Variants in GPC5 observed in about 807,000 individuals in gnomAD.
GPC5 encodes glypican-5.
In GPC5, 47 loss-of-function variants were observed where a neutral mutation model predicts 53.9. That is an observed-to-expected ratio of 0.87 (90% CI 0.69 to 1.11). The LOEUF is 1.11. Among genes scored for constraint, GPC5 ranks in the 50% most tolerant of loss-of-function variants. The pLI is 0.00. For synonymous variants in GPC5, 286 were observed against 263.3 expected, an observed-to-expected ratio of 1.09 and a Z score of -0.84; for missense variants, 748 against 713.1, an observed-to-expected ratio of 1.05 and a Z score of -0.56.
chr13:91,439,496 A>G (rs1209648245), intron 1 of GPC5, among the ~76,000 whole-genome samples: 3 of 152,232 alleles, frequency 2.0e-5, no homozygotes, highest in Non-Finnish European at 1.5e-5. Context: ...TTCAATCTGC[A>G]TCTTTTTCCT....
chr13:92,200,552 A>G (rs1189475060), intron 7 of GPC5, among the ~76,000 whole-genome samples: 2 of 152,142 alleles, frequency 1.3e-5, no homozygotes, highest in African/African-American at 4.8e-5. Flanking sequence ...CCTACCTCTC[A>G]TTTTCTGTTA....
intron 6 of GPC5, among the ~76,000 whole-genome samples, chr13:92,071,785 T>A (rs1319605020): frequency 1.3e-5 from 2 of 150,034 alleles, no homozygotes; most frequent in Non-Finnish European, 3.0e-5. Flanking sequence ...AGACACAATT[T>A]TTTTTATCCA....
intron 7 of GPC5, among the ~76,000 whole-genome samples, chr13:92,383,623 AAC>A (rs1206682575): frequency 6.6e-6 from 1 of 152,192 alleles, no homozygotes. Flanking sequence ...TGCTGGAACA[AAC>A]AGTTTTAGTC....
chr13:91,703,408 C>CT (rs2036034320), intron 3 of GPC5, among the ~76,000 whole-genome samples: 1 of 151,914 alleles, frequency 6.6e-6, no homozygotes. Flanking sequence ...GTATCAAATG[C>CT]TTTTTTGTGT....
At chr13:92,235,021 C>T (rs2042560015) in intron 7 of GPC5, among the ~76,000 whole-genome samples, 1 of 151,822 alleles carries the variant, frequency 6.6e-6, no homozygotes. Context: ...GTTTTAGGTC[C>T]CTAAGAAAAT....
intron 7 of GPC5, among the ~76,000 whole-genome samples, chr13:92,233,190 A>C (rs1205273818): frequency 6.6e-6 from 1 of 152,258 alleles, no homozygotes; most frequent in African/African-American, 2.4e-5. Flanking sequence ...CCTGCCTTAT[A>C]GCAACAAATT....
intron 5 of GPC5, among the ~76,000 whole-genome samples, chr13:91,895,638 C>CA (rs2039433241): frequency 7.0e-6 from 1 of 143,396 alleles, no homozygotes; most frequent in South Asian, 2.2e-4. Context: ...CTCTTTCTTT[C>CA]TTTTTTTTTT....
chr13:91,571,886 C>CGTGTGT (rs138515249), intron 2 of GPC5, among the ~76,000 whole-genome samples: 1,209 of 64,854 alleles, frequency 0.019, 203 homozygotes, highest in African/African-American at 0.04. Flanking sequence ...CACACATATA[C>CGTGTGT]GTGTGTATAT....
chr13:92,591,941 C>A (rs1413338640), intron 7 of GPC5, among the ~76,000 whole-genome samples: 1 of 152,148 alleles, frequency 6.6e-6, no homozygotes. Context: ...AAGCCATTGA[C>A]CTGAGAGTCC....
At chr13:91,548,682 T>G (rs2030439873) in intron 2 of GPC5, among the ~76,000 whole-genome samples, 1 of 152,194 alleles carries the variant, frequency 6.6e-6, no homozygotes, top group African/African-American at 2.4e-5. Context: ...GTTGGAGGAC[T>G]GACACTACCT....
chr13:91,588,849 A>G (rs1594297422), intron 2 of GPC5, among the ~76,000 whole-genome samples: 1 of 152,002 alleles, frequency 6.6e-6, no homozygotes, highest in Non-Finnish European at 1.5e-5. Flanking sequence ...TAAAAATTTG[A>G]CCTGGCAGCC....
chr13:92,584,477 A>G (rs1334216016), intron 7 of GPC5, among the ~76,000 whole-genome samples: 5 of 152,212 alleles, frequency 3.3e-5, no homozygotes, highest in African/African-American at 7.2e-5. Flanking sequence ...GCAGCAAAGC[A>G]TTCAAGAGGT....
At chr13:92,334,079 A>G (rs2043306184) in intron 7 of GPC5, among the ~76,000 whole-genome samples, 1 of 152,208 alleles carries the variant, frequency 6.6e-6, no homozygotes, top group African/African-American at 2.4e-5. Flanking sequence ...GATCACAGCA[A>G]GGTTGTAGGA....
intron 5 of GPC5, among the ~76,000 whole-genome samples, chr13:91,810,211 C>T (rs1248188972): frequency 6.6e-6 from 1 of 151,834 alleles, no homozygotes; most frequent in Non-Finnish European, 1.5e-5. Context: ...CCTAAGATGT[C>T]ATTTTTCTTA....
chr13:92,492,804 A>C (rs775616886), intron 7 of GPC5, among the ~76,000 whole-genome samples: 1 of 152,182 alleles, frequency 6.6e-6, no homozygotes, highest in Non-Finnish European at 1.5e-5. Context: ...CCTTTTTTAT[A>C]AATGCAATGC....
chr13:92,288,055 C>T (rs1445550736), intron 7 of GPC5, among the ~76,000 whole-genome samples: 1 of 152,010 alleles, frequency 6.6e-6, no homozygotes, highest in Non-Finnish European at 1.5e-5. Context: ...TTATCTATCG[C>T]ACTTTTCAGC....
intron 7 of GPC5, among the ~76,000 whole-genome samples, chr13:92,346,530 G>A (rs1405607721): frequency 6.6e-6 from 1 of 152,132 alleles, no homozygotes; most frequent in African/African-American, 2.4e-5. Context: ...CCTTTCCAGA[G>A]TCACTGGCTA....
Position 92,087,162 on chromosome 13 carries a change from A to G in GPC5, c.1402-57668A>G, listed in dbSNP as rs1386854839. 2.0e-5 allele frequency among the ~76,000 whole-genome samples: 3 copies of G among 152,240 alleles called. No individual in the cohort carries two copies. In the South Asian group the frequency reaches 6.2e-4, roughly 31 times the overall value. On this transcript the variant is annotated intron_variant, in intron 6 of 7. Transcript: ENST00000377067. ...AACAGGATCTATCAAGAGACAGAAT[A>G]GAGAGATTCAGGGAGAGTGTGATGC...
intron 2 of GPC5, among the ~76,000 whole-genome samples, chr13:91,670,092 TAG>T (rs1304970360): frequency 6.6e-6 from 1 of 152,134 alleles, no homozygotes; most frequent in East Asian, 1.9e-4. Flanking sequence ...AGTGGTTTTG[TAG>T]AGACTATGAG....
Sources: allele counts gnomAD v4.1 joint callset (sites outside exome capture counted in the v4.1 genomes callset), GRCh38; gene constraint gnomAD v4.1.1; transcripts MANE v1.5; gene names NCBI Gene and HGNC (gene_info 2026-07-23, HGNC 2026-07-21).